CADM2: variants seen among roughly 807,000 people sequenced by gnomAD.
CADM2 encodes immunoglobulin superfamily member 4D.
Under a neutral mutation model 49.8 loss-of-function variants are expected in CADM2, and 12 were observed. The observed-to-expected ratio is 0.24, with a 90% CI of 0.15 to 0.39. The LOEUF (loss-of-function observed/expected upper bound fraction) is 0.39. Ranked by LOEUF, CADM2 falls within the 10% of genes least tolerant of loss-of-function variation. The probability of loss-of-function intolerance (pLI) is 1.00; values close to 1 mark genes in which losing one functional copy is unlikely to be tolerated. For missense variants in CADM2, 378 were observed against 492.3 expected, an observed-to-expected ratio of 0.77 and a Z score of 2.20; for synonymous variants, 214 against 175.4, an observed-to-expected ratio of 1.22 and a Z score of -1.74.
chr3:85,802,241 T>C (rs1200931202), intron 3 of CADM2, 45 bp downstream of exon 3: 58 of 1,502,414 alleles, frequency 3.9e-5, no homozygotes, highest in Non-Finnish European at 5.2e-5. Context: ...TTCTAAAATA[T>C]CCTAATTACA....
intron 1 of CADM2, among the ~76,000 whole-genome samples, chr3:85,564,997 A>C (rs2107200505): frequency 6.6e-6 from 1 of 152,248 alleles, no homozygotes; most frequent in African/African-American, 2.4e-5. Flanking sequence ...AATTTATGCA[A>C]ATCAGAGGTA....
chr3:85,472,487 G>T (rs1485269883), intron 1 of CADM2, among the ~76,000 whole-genome samples: 1 of 151,872 alleles, frequency 6.6e-6, no homozygotes, highest in African/African-American at 2.4e-5. Flanking sequence ...TCTACTCTGT[G>T]TTCTCATATA....
intron 1 of CADM2, among the ~76,000 whole-genome samples, chr3:85,376,818 C>T (rs1161035409): frequency 6.6e-6 from 1 of 151,858 alleles, no homozygotes; most frequent in African/African-American, 2.4e-5. Flanking sequence ...GAAAAAAAGG[C>T]TTTTAAGGGA....
At chr3:86,014,554 A>G (rs928387014) in intron 8 of CADM2, 10 of 1,590,950 alleles carry the variant, frequency 6.3e-6, no homozygotes, top group Non-Finnish European at 8.6e-6. Context: ...TCTGAGAGTT[A>G]CTATAAAGAA....
At chr3:85,363,334 G>A (rs1349388423) in intron 1 of CADM2, among the ~76,000 whole-genome samples, 1 of 152,098 alleles carries the variant, frequency 6.6e-6, no homozygotes, top group African/African-American at 2.4e-5. Flanking sequence ...ATTGAAAACT[G>A]TGAACAAGTC....
At chr3:85,835,893 C>G (rs945790570) in intron 3 of CADM2, among the ~76,000 whole-genome samples, 1 of 149,530 alleles carries the variant, frequency 6.7e-6, no homozygotes, top group Non-Finnish European at 1.5e-5. Context: ...TTTCATGTTA[C>G]TCCCTTTATT....
intron 1 of CADM2, among the ~76,000 whole-genome samples, chr3:85,275,018 T>C (rs1303762641): frequency 2.0e-5 from 3 of 151,268 alleles, no homozygotes; most frequent in Non-Finnish European, 3.0e-5. Context: ...AGCCTAGCCA[T>C]AGAATCTAAT....
intron 1 of CADM2, among the ~76,000 whole-genome samples, chr3:84,999,060 A>G (rs888652567): frequency 2.6e-5 from 4 of 152,178 alleles, no homozygotes; most frequent in Non-Finnish European, 2.9e-5. Context: ...TACAGTAAGA[A>G]TACCAAGCCA....
At chr3:85,294,773 T>A (rs2043908866) in intron 1 of CADM2, among the ~76,000 whole-genome samples, 1 of 152,038 alleles carries the variant, frequency 6.6e-6, no homozygotes, top group African/African-American at 2.4e-5. Flanking sequence ...TCCTTACACC[T>A]TATACAAAAA....
chr3:85,173,528 CATT>C (rs2040692309), intron 1 of CADM2, among the ~76,000 whole-genome samples: 2 of 152,044 alleles, frequency 1.3e-5, no homozygotes, highest in Non-Finnish European at 2.9e-5. Flanking sequence ...GATGTGAAGT[CATT>C]ATGTTCTTAT....
chr3:85,529,491 T>G (rs1033694052), intron 1 of CADM2, among the ~76,000 whole-genome samples: 1 of 152,226 alleles, frequency 6.6e-6, no homozygotes, highest in Non-Finnish European at 1.5e-5. Flanking sequence ...GTTGCTCTTT[T>G]AGTATACTCA....
chr3:85,110,359 T>C (rs1202559039), intron 1 of CADM2, among the ~76,000 whole-genome samples: 1 of 151,840 alleles, frequency 6.6e-6, no homozygotes, highest in East Asian at 1.9e-4. Context: ...TCTCCAGCTT[T>C]GATTTGAGCA....
chr3:85,433,495 T>C (rs1169450171), intron 1 of CADM2, among the ~76,000 whole-genome samples: 2 of 152,036 alleles, frequency 1.3e-5, no homozygotes, highest in Non-Finnish European at 2.9e-5. Context: ...AATTGCTTAC[T>C]TGTGACTACC....
intron 8 of CADM2, among the ~76,000 whole-genome samples, chr3:85,971,222 A>C (rs932782102): frequency 6.6e-6 from 1 of 151,448 alleles, no homozygotes; most frequent in Non-Finnish European, 1.5e-5. Context: ...GCCCTTATGG[A>C]CTCTCGTATG....
intron 3 of CADM2, among the ~76,000 whole-genome samples, chr3:85,853,667 C>A (rs2075194120): frequency 6.8e-6 from 1 of 146,680 alleles, no homozygotes. Flanking sequence ...TAGAAACTTC[C>A]ATGAGATGAA....
At chr3:85,058,563 G>C (rs997490000) in intron 1 of CADM2, among the ~76,000 whole-genome samples, 7 of 152,040 alleles carry the variant, frequency 4.6e-5, no homozygotes, top group Non-Finnish European at 8.8e-5. Flanking sequence ...TCCTGCCTCA[G>C]CCTACCAAGT....
intron 8 of CADM2, among the ~76,000 whole-genome samples, chr3:86,025,503 A>G (rs1212955989): frequency 6.6e-6 from 1 of 151,924 alleles, no homozygotes; most frequent in Admixed American, 6.6e-5. Context: ...TTAAATCTTT[A>G]TACAAATGAT....
intron 1 of CADM2, among the ~76,000 whole-genome samples, chr3:85,679,688 G>A (rs1198246438): frequency 2.0e-5 from 3 of 152,140 alleles, no homozygotes; most frequent in Admixed American, 6.5e-5. Flanking sequence ...ACCAGCCTGA[G>A]CGCTGCCATT....
chr3:85,297,345 C>T (rs1370365996), intron 1 of CADM2, among the ~76,000 whole-genome samples: 1 of 152,046 alleles, frequency 6.6e-6, no homozygotes, highest in East Asian at 1.9e-4. Context: ...ACTCTGGCTT[C>T]ATCTGGGCTG....
Sources: allele counts gnomAD v4.1 joint callset (sites outside exome capture counted in the v4.1 genomes callset), GRCh38; gene constraint gnomAD v4.1.1; transcripts MANE v1.5; gene names NCBI Gene and HGNC (gene_info 2026-07-23, HGNC 2026-07-21).